CACNA2D3: variants seen among roughly 807,000 people sequenced by gnomAD.
CACNA2D3 encodes the protein calcium voltage-gated channel auxiliary subunit alpha2delta 3.
In CACNA2D3, 60 loss-of-function variants were observed where a neutral mutation model predicts 160.6. The observed-to-expected ratio is 0.37, with a 90% CI of 0.30 to 0.46. The LOEUF is 0.46. Ranked by LOEUF, CACNA2D3 falls within the 20% of genes least tolerant of loss-of-function variation. CACNA2D3 has a pLI of 1.00. For missense variants in CACNA2D3, 1,205 were observed against 1,365.0 expected, an observed-to-expected ratio of 0.88 and a Z score of 1.85; for synonymous variants, 558 against 492.9, an observed-to-expected ratio of 1.13 and a Z score of -1.75.
chr3:54,630,485 C>T lies in CACNA2D3; in HGVS notation c.1053+2609C>T, dbSNP rs918023633. Among the ~76,000 whole-genome samples the T allele has an allele frequency of 2.0e-5, 3 of 152,198 alleles. No homozygotes were observed. In the East Asian group the frequency reaches 5.8e-4, roughly 29 times the overall value. On this transcript the variant is annotated intron_variant, in intron 10 of 37. Transcript: ENST00000474759. ...GGTTGTGGTCAAGGTGAGGAGATGC[C>T]ATCCTCCTCTTGCAGACTCACAAGG...
intron 17 of CACNA2D3, among the ~76,000 whole-genome samples, chr3:54,860,846 T>C (rs528621706): frequency 6.6e-6 from 1 of 152,136 alleles, no homozygotes; most frequent in Admixed American, 6.5e-5. Flanking sequence ...CGCTGAAAAA[T>C]GAGAACAAAA....
chr3:54,228,700 C>T (rs1165755663), intron 2 of CACNA2D3, among the ~76,000 whole-genome samples: 1 of 152,256 alleles, frequency 6.6e-6, no homozygotes, highest in Non-Finnish European at 1.5e-5. Flanking sequence ...CTCTCCTGAT[C>T]TCCACCAAGG....
intron 13 of CACNA2D3, among the ~76,000 whole-genome samples, chr3:54,804,583 C>T (rs1009259647): frequency 3.9e-5 from 6 of 152,172 alleles, no homozygotes; most frequent in Non-Finnish European, 8.8e-5. Flanking sequence ...GAGACTTAGA[C>T]TCCCACACAA....
At chr3:54,338,840 A>T (rs992417324) in intron 3 of CACNA2D3, among the ~76,000 whole-genome samples, 1 of 152,078 alleles carries the variant, frequency 6.6e-6, no homozygotes, top group African/African-American at 2.4e-5. Flanking sequence ...CCTGTAAAAC[A>T]TGTGTCCCAA....
chr3:54,219,182 T>G (rs981430653), intron 2 of CACNA2D3, among the ~76,000 whole-genome samples: 1 of 152,218 alleles, frequency 6.6e-6, no homozygotes, highest in African/African-American at 2.4e-5. Flanking sequence ...GTACCAGCTC[T>G]CAAGAGCTGA....
intron 29 of CACNA2D3, among the ~76,000 whole-genome samples, chr3:54,970,088 T>C (rs1214487061): frequency 1.3e-5 from 2 of 152,206 alleles, no homozygotes. Context: ...ATTGGAATTT[T>C]GACATTTTGT....
At chr3:54,838,730 T>G in intron 16 of CACNA2D3, 82 bp downstream of exon 16, 1 of 1,023,724 alleles carries the variant, frequency 9.8e-7, no homozygotes, top group Non-Finnish European at 1.5e-6. Context: ...CTTCAAACTC[T>G]ACTTTGGAGC....
chr3:54,194,317 C>T (rs1044386037), intron 2 of CACNA2D3, among the ~76,000 whole-genome samples: 1 of 152,124 alleles, frequency 6.6e-6, no homozygotes, highest in African/African-American at 2.4e-5. Flanking sequence ...ATGCATGGAA[C>T]AAAATGTTAC....
chr3:54,210,959 A>G (rs752688457), intron 2 of CACNA2D3, among the ~76,000 whole-genome samples: 1 of 152,198 alleles, frequency 6.6e-6, no homozygotes, highest in East Asian at 1.9e-4. Context: ...CAGGGTGTAC[A>G]TGAATATTGT....
At position 54,771,070 on chromosome 3, in the gene CACNA2D3, G is replaced by T. The variant is rs545199306; in HGVS notation, c.1380+6719G>T. Reference sequence around the variant, plus strand: ...TGTGTCATCCTTGGTTGATGTGGTGGATCTGGGGGCTGGGTTAGTGTCTGC... The same window carrying T: ...TGTGTCATCCTTGGTTGATGTGGTGTATCTGGGGGCTGGGTTAGTGTCTGC... On this transcript the variant is annotated intron_variant, in intron 13 of 37. Coordinates refer to ENST00000474759, the MANE Select transcript of CACNA2D3 (RefSeq NM_018398.3). Among the ~76,000 whole-genome samples the T allele has an allele frequency of 2.2e-4, 33 of 152,218 alleles. 1 individual carries two copies. In the South Asian group the frequency reaches 6.8e-3, roughly 32 times the overall value.
At chr3:54,770,093 C>G (rs913244349) in intron 13 of CACNA2D3, among the ~76,000 whole-genome samples, 1 of 152,144 alleles carries the variant, frequency 6.6e-6, no homozygotes, top group Non-Finnish European at 1.5e-5. Context: ...TACTTGCTGC[C>G]GACACTTGCG....
intron 3 of CACNA2D3, among the ~76,000 whole-genome samples, chr3:54,350,796 A>C (rs2107532598): frequency 6.6e-6 from 1 of 151,952 alleles, no homozygotes; most frequent in South Asian, 2.1e-4. Context: ...TGTGTTCTCT[A>C]CCTGTCTGCT....
At chr3:54,513,306 C>T (rs1275801700) in intron 5 of CACNA2D3, among the ~76,000 whole-genome samples, 1 of 152,180 alleles carries the variant, frequency 6.6e-6, no homozygotes, top group Non-Finnish European at 1.5e-5. Flanking sequence ...GTCCAGAACA[C>T]ACTATCTACT....
At position 54,991,198 on chromosome 3, in the gene CACNA2D3, G is replaced by A. The variant is rs139591672; in HGVS notation, c.2690+3445G>A. On this transcript the variant is annotated intron_variant, in intron 31 of 37. Coordinates refer to ENST00000474759, the MANE Select transcript of CACNA2D3 (RefSeq NM_018398.3). ...GGCCCAGTGCAAAATAAAAATGTGG[G>A]GCCCTGTGTTCAAAAAGTGTCGAGT... 5.0e-3 allele frequency among the ~76,000 whole-genome samples: 754 copies of A among 152,078 alleles called. 7 individuals are homozygous for A. The highest frequency in any genetic ancestry group is 0.017 in the African/African-American group (716 of 41,476).
At chr3:54,457,458 C>T (rs1416776299) in intron 4 of CACNA2D3, among the ~76,000 whole-genome samples, 1 of 151,998 alleles carries the variant, frequency 6.6e-6, no homozygotes, top group African/African-American at 2.4e-5. Flanking sequence ...CTTGTTGAGA[C>T]TTGTTTTGCG....
Position 54,122,729 on chromosome 3 carries a change from T to A in CACNA2D3, c.16T>A (p.Ser6Thr). 3 of 1,205,726 alleles carry A rather than the reference T, an allele frequency of 2.5e-6. No homozygotes were observed. The South Asian group carries it at 1.2e-4, about 50-fold the overall frequency. The allele number at this position is 1,205,726 out of a possible 1,614,324, so 74.7% of individuals were successfully genotyped here. MAGPGSPRRASRGASA... is the reference protein window; with the variant it reads MAGPGTPRRASRGASA... ...GGAGCCCAGCATGGCCGGGCCGGGC[T>A]CGCCGCGCCGCGCGTCCCGGGGGGC... Residue 6 changes from serine to threonine, a missense_variant, in exon 1 of 38, where the codon TCG becomes ACG. By Grantham distance (58) the Ser-to-Thr change is moderately conservative (BLOSUM62 1). Transcript: ENST00000474759.
intron 4 of CACNA2D3, among the ~76,000 whole-genome samples, chr3:54,411,789 G>A (rs756425467): frequency 6.6e-6 from 1 of 152,120 alleles, no homozygotes; most frequent in Non-Finnish European, 1.5e-5. Flanking sequence ...AAACAAAGGG[G>A]ATAGAAAGAT....
intron 4 of CACNA2D3, among the ~76,000 whole-genome samples, chr3:54,422,265 T>C (rs1478852496): frequency 6.6e-6 from 1 of 152,206 alleles, no homozygotes; most frequent in Non-Finnish European, 1.5e-5. Flanking sequence ...TTTCAAAAGG[T>C]AACAGCAATA....
intron 4 of CACNA2D3, among the ~76,000 whole-genome samples, chr3:54,401,333 A>G (rs1699460002): frequency 6.6e-6 from 1 of 152,248 alleles, no homozygotes; most frequent in South Asian, 2.1e-4. Context: ...TTATGAAATA[A>G]TGAAATAATT....
Sources: gnomAD v4.1 joint callset for allele counts (sites outside exome capture counted in the v4.1 genomes callset) on GRCh38, gnomAD v4.1.1 for gene constraint, MANE v1.5 for transcripts, NCBI Gene and HGNC (gene_info 2026-07-23, HGNC 2026-07-21) for gene names.